The following GRID1 variants were observed in gnomAD, a reference collection of about 807,000 sequenced individuals.
GRID1 encodes glutamate receptor ionotropic, delta-1.
Under a neutral mutation model 98.0 loss-of-function variants are expected in GRID1, and 28 were observed. The observed-to-expected ratio is 0.29, with a 90% CI of 0.21 to 0.39. GRID1 has a LOEUF of 0.39. Ranked by LOEUF, GRID1 falls within the 10% of genes least tolerant of loss-of-function variation. The pLI is 1.00. For synonymous variants in GRID1, 553 were observed against 538.5 expected, an observed-to-expected ratio of 1.03 and a Z score of -0.37; for missense variants, 1,111 against 1,340.5, an observed-to-expected ratio of 0.83 and a Z score of 2.67.
chr10:85,888,210 C>T (rs929901362), intron 5 of GRID1, among the ~76,000 whole-genome samples: 1 of 152,214 alleles, frequency 6.6e-6, no homozygotes, highest in African/African-American at 2.4e-5. Flanking sequence ...AGCACTCTGC[C>T]TGCCCTCATA....
chr10:86,065,192 C>T (rs1589358424), intron 4 of GRID1, among the ~76,000 whole-genome samples: 1 of 152,220 alleles, frequency 6.6e-6, no homozygotes, highest in East Asian at 1.9e-4. Flanking sequence ...TCCAAGTGTG[C>T]TCCTGGACCA....
chr10:86,046,966 T>A (rs958218985), intron 4 of GRID1, among the ~76,000 whole-genome samples: 1 of 151,694 alleles, frequency 6.6e-6, no homozygotes, highest in East Asian at 1.9e-4. Context: ...AAAGGCCACA[T>A]GCGCTCCCCC....
At chr10:85,967,797 A>T (rs184667350) in intron 4 of GRID1, among the ~76,000 whole-genome samples, 52 of 152,312 alleles carry the variant, frequency 3.4e-4, no homozygotes, top group African/African-American at 1.0e-3. Context: ...CTCATCACTG[A>T]TGAGGAATAA....
At chr10:85,948,570 T>A (rs12776079) in intron 4 of GRID1, among the ~76,000 whole-genome samples, 18,806 of 152,232 alleles carry the variant, frequency 0.12, 1,526 homozygotes, top group Non-Finnish European at 0.18. Flanking sequence ...TATGAACCTA[T>A]CTTTTAGAGG....
intron 4 of GRID1, among the ~76,000 whole-genome samples, chr10:85,967,887 G>C (rs1842357847): frequency 6.6e-6 from 1 of 152,280 alleles, no homozygotes; most frequent in South Asian, 2.1e-4. Flanking sequence ...GCAAGTAAAA[G>C]ACCGTCAGTC....
At chr10:86,260,961 G>C (rs1174103372) in intron 2 of GRID1, among the ~76,000 whole-genome samples, 3 of 152,258 alleles carry the variant, frequency 2.0e-5, no homozygotes, top group Non-Finnish European at 2.9e-5. Context: ...GCTGCCTGGA[G>C]AGCCTTCTCC....
At chr10:86,032,829 T>TA (rs58350170) in intron 4 of GRID1, among the ~76,000 whole-genome samples, 55,234 of 109,660 alleles carry the variant, frequency 0.5, 13,773 homozygotes, top group South Asian at 0.7. Context: ...AATAAATACT[T>TA]AAAAAAAAAA....
At chr10:85,746,721 C>G (rs145754738) in intron 8 of GRID1, among the ~76,000 whole-genome samples, 124 of 152,290 alleles carry the variant, frequency 8.1e-4, no homozygotes, top group African/African-American at 2.9e-3. Flanking sequence ...GTGAAGCCCT[C>G]TTGAACCCTC....
intron 2 of GRID1, among the ~76,000 whole-genome samples, chr10:86,293,155 G>T (rs1847540136): frequency 6.6e-6 from 1 of 152,206 alleles, no homozygotes; most frequent in Non-Finnish European, 1.5e-5. Flanking sequence ...AGGGTCTCAA[G>T]AAGCCCAGGG....
At chr10:86,092,855 T>C (rs992311592) in intron 4 of GRID1, among the ~76,000 whole-genome samples, 2 of 152,150 alleles carry the variant, frequency 1.3e-5, no homozygotes, top group South Asian at 2.1e-4. Context: ...AAAGAAACAA[T>C]GGATTTAAAC....
intron 12 of GRID1, among the ~76,000 whole-genome samples, chr10:85,693,241 G>T (rs1192263991): frequency 6.6e-6 from 1 of 152,124 alleles, no homozygotes; most frequent in Non-Finnish European, 1.5e-5. Context: ...TAGTTCTGGG[G>T]TGTATGGAGC....
chr10:86,349,323 T>C (rs1387968350), intron 2 of GRID1, among the ~76,000 whole-genome samples: 3 of 152,156 alleles, frequency 2.0e-5, no homozygotes, highest in Admixed American at 6.5e-5. Flanking sequence ...CAAGTTCTGG[T>C]GCACAAGCTT....
chr10:85,630,343 C>G (rs150892540), intron 13 of GRID1, among the ~76,000 whole-genome samples: 110 of 152,270 alleles, frequency 7.2e-4, no homozygotes, highest in African/African-American at 2.4e-3. Flanking sequence ...ACACTTGTCA[C>G]AGGAAAAGAC....
At chr10:86,059,346 GGAAGA>G (rs1381618376) in intron 4 of GRID1, among the ~76,000 whole-genome samples, 3 of 152,240 alleles carry the variant, frequency 2.0e-5, no homozygotes, top group African/African-American at 7.2e-5. Flanking sequence ...GTGGGGCTCA[GGAAGA>G]GAAAAGAACT....
chr10:85,857,451 C>T (rs996452240), intron 6 of GRID1, among the ~76,000 whole-genome samples: 1 of 152,122 alleles, frequency 6.6e-6, no homozygotes, highest in South Asian at 2.1e-4. Flanking sequence ...AGGGGCCCAG[C>T]GGGAGCCCAA....
At chr10:85,625,416 T>C (rs576984329) in intron 13 of GRID1, among the ~76,000 whole-genome samples, 7 of 152,200 alleles carry the variant, frequency 4.6e-5, no homozygotes, top group Non-Finnish European at 1.0e-4. Flanking sequence ...CTTCTAAACA[T>C]TTTACTTCAT....
At chr10:85,680,672 C>T (rs1004724832) in intron 12 of GRID1, among the ~76,000 whole-genome samples, 4 of 152,186 alleles carry the variant, frequency 2.6e-5, no homozygotes, top group African/African-American at 9.7e-5. Flanking sequence ...TATGTGCACT[C>T]ATGCTCATGT....
intron 15 of GRID1, among the ~76,000 whole-genome samples, chr10:85,612,356 G>A (rs1842743194): frequency 6.6e-6 from 1 of 152,090 alleles, no homozygotes; most frequent in African/African-American, 2.4e-5. Context: ...TTTCTTTCCT[G>A]TCCCAGTTTA....
At chr10:86,138,254 T>A (rs1284597211) in intron 4 of GRID1, among the ~76,000 whole-genome samples, 1 of 152,222 alleles carries the variant, frequency 6.6e-6, no homozygotes, top group East Asian at 1.9e-4. Context: ...ACCAATGGAT[T>A]CTTAAACTGA....
Sources: gnomAD v4.1 joint callset for allele counts (sites outside exome capture counted in the v4.1 genomes callset) on GRCh38, gnomAD v4.1.1 for gene constraint, MANE v1.5 for transcripts, NCBI Gene and HGNC (gene_info 2026-07-23, HGNC 2026-07-21) for gene names.